Variants in CYFIP2 observed in about 807,000 individuals in gnomAD.
CYFIP2 encodes the protein cytoplasmic FMR1 interacting protein 2.
In CYFIP2, 29 loss-of-function variants were observed where a neutral mutation model predicts 158.7. The ratio of observed to expected loss-of-function variants is 0.18; its 90% CI spans 0.14 to 0.25. The LOEUF is 0.25. Ranked by LOEUF, CYFIP2 falls within the 10% of genes least tolerant of loss-of-function variation. The pLI is 1.00. For missense variants in CYFIP2, 852 were observed against 1,639.5 expected (o/e 0.52, Z 8.29); for synonymous variants, 585 against 617.6 (o/e 0.95, Z 0.78).
At chr5:157,379,904 A>T (rs1277468230) in intron 26 of CYFIP2, 1 of 152,180 alleles carries the variant, frequency 6.6e-6, no homozygotes, top group Non-Finnish European at 1.5e-5. Context: ...GAGTTTCATT[A>T]TTACTCAAAT....
chr5:157,392,851 G>C lies in CYFIP2; in HGVS notation c.3613G>C (p.Asp1205His). ...TCTGTAGCCCCTGAAGAAGATGGCC[G>C]ACCGGATCAGGAAGTATCAGATCTT... ...IKNVPLKKMA[D>H]RIRKYQILNN... is the part of the protein sequence containing the mutation. The change falls in exon 31 of 31, where the codon GAC becomes CAC. Residue 1205 changes from aspartate to histidine, a missense_variant. Physicochemically the swap from Asp to His is moderately conservative, Grantham distance 81. Around this residue, in one of 8 missense-constraint regions of CYFIP2, gnomAD observed 223 missense variants for 381.6 expected, o/e 0.58. Transcript: ENST00000620254. The C allele has an allele frequency of 6.2e-7, 1 of 1,613,714 alleles. No individual in the cohort carries two copies. Among genetic ancestry groups the C allele is most frequent in the Non-Finnish European group, 8.5e-7 (1 of 1,179,786 alleles).
intron 23 of CYFIP2, among the ~76,000 whole-genome samples, chr5:157,355,424 C>G (rs1763347654): frequency 6.6e-6 from 1 of 152,180 alleles, no homozygotes; most frequent in African/African-American, 2.4e-5. Flanking sequence ...ACCATGCTGA[C>G]TGCTTTATAT....
intron 21 of CYFIP2, among the ~76,000 whole-genome samples, chr5:157,334,857 T>C (rs1186188122): frequency 6.6e-6 from 1 of 152,162 alleles, no homozygotes; most frequent in African/African-American, 2.4e-5. Context: ...GGAAAACTGG[T>C]GAAACCTGAA....
chr5:157,350,665 G>T (rs1433218893), intron 23 of CYFIP2, among the ~76,000 whole-genome samples: 2 of 152,178 alleles, frequency 1.3e-5, no homozygotes, highest in African/African-American at 4.8e-5. Flanking sequence ...TGTGAAGAAT[G>T]ATGATGGTAC....
intron 21 of CYFIP2, among the ~76,000 whole-genome samples, chr5:157,338,417 A>G (rs975966919): frequency 2.0e-5 from 3 of 152,252 alleles, no homozygotes; most frequent in African/African-American, 7.2e-5. Flanking sequence ...TAGCAGTTAG[A>G]GCATATAGTG....
At chr5:157,316,663 G>A (rs762656383) in intron 13 of CYFIP2, among the ~76,000 whole-genome samples, 5 of 152,078 alleles carry the variant, frequency 3.3e-5, no homozygotes, top group African/African-American at 7.2e-5. Flanking sequence ...TCCCAGCCCC[G>A]GGCCCTCTGG....
In CYFIP2 at chr5:157,290,643, A is replaced by G. The variant is rs573082994; in HGVS notation, c.207+3535A>G. ...TTGGGGGGACCATTATTCTGCCTAC[A>G]CAGGGAGAGTGTTGATGTGGCTTAG... On this transcript the variant is annotated intron_variant, in intron 3 of 30. Transcript: ENST00000620254. Among the ~76,000 whole-genome samples the G allele has an allele frequency of 1.0e-3, 154 of 152,348 alleles. 1 individual carries two copies. Among genetic ancestry groups the G allele is most frequent in the Non-Finnish European group, 2.0e-3 (134 of 68,034 alleles).
chr5:157,326,839 A>G (rs1049602216), intron 18 of CYFIP2, among the ~76,000 whole-genome samples: 1 of 152,198 alleles, frequency 6.6e-6, no homozygotes, highest in Non-Finnish European at 1.5e-5. Flanking sequence ...GGTCTGAGGA[A>G]AGCACTAAAC....
intron 26 of CYFIP2, among the ~76,000 whole-genome samples, chr5:157,378,388 A>C (rs528598497): frequency 6.6e-6 from 1 of 152,358 alleles, no homozygotes; most frequent in African/African-American, 2.4e-5. Flanking sequence ...CCAAAAACCC[A>C]ATAAGTCAAC....
rs1282317305 is a variant in CYFIP2, at chr5:157,344,114, C to A, written c.2673+2957C>A. Among the ~76,000 whole-genome samples the A allele has an allele frequency of 2.0e-5, 3 of 152,118 alleles. No homozygotes were observed. In the East Asian group the frequency reaches 5.8e-4, roughly 29 times the overall value. On this transcript the variant is annotated intron_variant, in intron 23 of 30. Coordinates refer to ENST00000620254, the MANE Select transcript of CYFIP2 (RefSeq NM_001037333.3). The stretch of plus-strand genomic sequence containing the variant: ...GTCACTCTTTGGCAGCTGATCTCAC[C>A]CCAAAGCTTCTGCTCTTGTTTTGTT...
In CYFIP2 at chr5:157,314,382, C is replaced by G. The variant is rs368645883; in HGVS notation, c.1149C>G (p.Asp383Glu). The change falls in exon 12 of 31, where the codon GAC becomes GAG. Residue 383 changes from aspartate to glutamate, a missense_variant. Asp to Glu is a conservative substitution (Grantham distance 45). This residue lies in a region of CYFIP2 where 133 missense variants were observed against 197.1 expected (regional missense o/e 0.67). Transcript: ENST00000620254. ...TGSGLDSQKS[D>E]EEYRELFDLA... The stretch of plus-strand genomic sequence containing the variant: ...CAGGGCTGGACAGCCAGAAGTCAGA[C>G]GAGGAGTATCGCGAGCTCTTCGACC... The G allele has an allele frequency of 6.2e-7, 1 of 1,613,896 alleles. No homozygotes were observed. Among genetic ancestry groups the G allele is most frequent in the Admixed American group, 1.7e-5 (1 of 60,024 alleles).
At chr5:157,343,235 G>A in intron 23 of CYFIP2, 1 of 1,614,224 alleles carries the variant, frequency 6.2e-7, no homozygotes, top group South Asian at 1.1e-5. Flanking sequence ...GCTTCCAGGA[G>A]CCAGCGGACT....
chr5:157,379,013 C>A (rs1765774716), intron 26 of CYFIP2, among the ~76,000 whole-genome samples: 1 of 152,174 alleles, frequency 6.6e-6, no homozygotes, highest in African/African-American at 2.4e-5. Flanking sequence ...CTCCACTGCA[C>A]CTCTGCCCAC....
rs528137322 is a variant in CYFIP2 at position 157,314,455 on chromosome 5, A to T, written c.1222A>T (p.Met408Leu). 6.2e-7 allele frequency: 1 copy of T among 1,613,680 alleles called. No homozygotes were observed. Among genetic ancestry groups the T allele is most frequent in the Admixed American group, 1.7e-5 (1 of 60,000 alleles). ...TCTATCCAAGTGGAGCGCCCACGTC[A>T]TGGAGGTGGTAGGTGTCTCTGGGTA... ...QLLSKWSAHV[M>L]EVYSWKLVHP... The change falls in exon 12 of 31, where the codon ATG becomes TTG. Residue 408 changes from methionine (M) to leucine (L), a missense_variant. Coordinates refer to ENST00000620254, the MANE Select transcript of CYFIP2 (RefSeq NM_001037333.3).
At chr5:157,315,565 G>A (rs1325510093) in intron 13 of CYFIP2, among the ~76,000 whole-genome samples, 1 of 152,198 alleles carries the variant, frequency 6.6e-6, no homozygotes, top group Non-Finnish European at 1.5e-5. Context: ...CTTTCTATGA[G>A]AGCAATCTGA....
intron 5 of CYFIP2, 55 bp from the exon 6 acceptor site, chr5:157,300,659 AC>A: frequency 1.5e-6 from 2 of 1,373,836 alleles, no homozygotes; most frequent in South Asian, 3.7e-5. Context: ...AGGAGCCTGG[AC>A]CCTGCCCCCA....
chr5:157,389,218 C>G lies in CYFIP2; in HGVS notation c.3237C>G (p.Leu1079=). ...TCGCCATTGCTCGCGAGGGTGACCT[C>G]CTGACCAAGGAGCGGCTGTGCTGTG... is the stretch of plus-strand genomic sequence containing the variant. ...QQIAIAREGD[L]LTKERLCCGL... is the part of the protein sequence containing the mutation. Residue 1079 remains leucine (L), a synonymous_variant, in exon 29 of 31, where the codon CTC becomes CTG. Transcript: ENST00000620254. 1.9e-6 allele frequency: 3 copies of G among 1,613,488 alleles called. No homozygotes were observed. Among genetic ancestry groups the G allele is most frequent in the Non-Finnish European group, 2.5e-6 (3 of 1,179,518 alleles).
At chr5:157,348,859 C>T (rs1488628076) in intron 23 of CYFIP2, among the ~76,000 whole-genome samples, 1 of 152,040 alleles carries the variant, frequency 6.6e-6, no homozygotes, top group Non-Finnish European at 1.5e-5. Flanking sequence ...AGTGGTGAGT[C>T]CCCACAGAGC....
chr5:157,345,856 G>T (rs1170159542), intron 23 of CYFIP2: 1 of 152,210 alleles, frequency 6.6e-6, no homozygotes, highest in African/African-American at 2.4e-5. Flanking sequence ...CTGGTCCCCA[G>T]TGCAGTACTA....
Sources: gnomAD v4.1 joint callset for allele counts (sites outside exome capture counted in the v4.1 genomes callset) on GRCh38, gnomAD v4.1.1 for gene constraint, gnomAD v4.1.1 regional missense constraint, MANE v1.5 for transcripts, NCBI Gene and HGNC (gene_info 2026-07-23, HGNC 2026-07-21) for gene names.